Variants in ABR observed in about 807,000 individuals in gnomAD.
ABR encodes active breakpoint cluster region-related protein.
In ABR, 35 loss-of-function variants were observed where a neutral mutation model predicts 107.2. The ratio of observed to expected loss-of-function variants is 0.33; its 90% CI spans 0.25 to 0.43. ABR has a LOEUF of 0.43. Among genes scored for constraint, ABR ranks in the 20% least tolerant of loss-of-function variants. The pLI is 1.00. For missense variants in ABR, 815 were observed against 1,115.2 expected (o/e 0.73, Z 3.83); for synonymous variants, 498 against 462.0 (o/e 1.08, Z -1.00).
chr17:1,117,074 A>C, intron 2 of ABR, among the ~76,000 whole-genome samples: 1 of 152,126 alleles, frequency 6.6e-6, no homozygotes, highest in East Asian at 1.9e-4. Context: ...AAAGGGAAGA[A>C]GAGGCTGCAG....
rs1430053858 is a variant in ABR, at chr17:1,051,630, C to T, written c.1562-996G>A. On this transcript the variant is annotated intron_variant, in intron 14 of 22. Coordinates refer to ENST00000302538, the MANE Select transcript of ABR (RefSeq NM_021962.5). The surrounding 1 kb of genome is among the most constrained non-coding windows in gnomAD (Gnocchi z 4.3). ...AGATGCCGAGGTTGTTCCCAGGGTA[C>T]CAGAGGTGGTGTGGGAGGTGCCTTT... Among the ~76,000 whole-genome samples, 5 of 152,186 alleles carry T rather than the reference C, an allele frequency of 3.3e-5. No individual in the cohort carries two copies. Among genetic ancestry groups the T allele is most frequent in the Non-Finnish European group, 7.4e-5 (5 of 68,022 alleles).
chr17:1,122,063 C>G (rs1293019605), intron 2 of ABR, among the ~76,000 whole-genome samples: 1 of 152,136 alleles, frequency 6.6e-6, no homozygotes, highest in Non-Finnish European at 1.5e-5. Flanking sequence ...CCACCACGCC[C>G]GGCTAATTTT....
At chr17:1,034,952 A>G (rs952369300) in intron 16 of ABR, among the ~76,000 whole-genome samples, 3 of 152,174 alleles carry the variant, frequency 2.0e-5, no homozygotes, top group Non-Finnish European at 2.9e-5. Context: ...TTGTCTAGGT[A>G]AAGCAAGCTC....
intron 1 of ABR, among the ~76,000 whole-genome samples, chr17:1,166,180 A>G (rs1469549492): frequency 6.6e-6 from 1 of 152,068 alleles, no homozygotes. Flanking sequence ...GGTGGTAGGA[A>G]CACCACACGT....
chr17:1,184,499 C>T (rs141387402), upstream of ABR, among the ~76,000 whole-genome samples: 16 of 152,212 alleles, frequency 1.1e-4, no homozygotes, highest in African/African-American at 3.9e-4. Context: ...CCTCACTGGG[C>T]AGACCCAGTG....
At chr17:1,136,633 T>C (rs1318048872) in intron 1 of ABR, among the ~76,000 whole-genome samples, 5 of 152,172 alleles carry the variant, frequency 3.3e-5, no homozygotes, top group Non-Finnish European at 7.3e-5. Context: ...TCACTTTGCC[T>C]TTTTCTGTTA....
rs1261766218 is a variant in ABR at position 1,071,266 on chromosome 17, C to T, written c.895-1176G>A. ...GACGGGATCCCCAGACGCTGCACAT[C>T]AGCACCAGGAGCCGCACGGAATCGG... On this transcript the variant is annotated intron_variant, in intron 8 of 22. Coordinates refer to ENST00000302538, the MANE Select transcript of ABR (RefSeq NM_021962.5). This position sits in a 1 kb window ranked among gnomAD's most constrained non-coding sequence, Gnocchi z 5.1. Among the ~76,000 whole-genome samples, 1 of 152,202 alleles carries T rather than the reference C, an allele frequency of 6.6e-6. No individual in the cohort carries two copies. Among genetic ancestry groups the T allele is most frequent in the Admixed American group, 6.5e-5 (1 of 15,290 alleles).
At chr17:1,059,556 C>T (rs144838993) in intron 10 of ABR, among the ~76,000 whole-genome samples, 464 of 152,324 alleles carry the variant, frequency 3.0e-3, no homozygotes, top group Middle Eastern at 0.014. Flanking sequence ...GGCACCAAGG[C>T]CCCCATGGCA....
chr17:1,186,529 G>A (rs1015082781), intron 1 of ABR, among the ~76,000 whole-genome samples: 1 of 152,240 alleles, frequency 6.6e-6, no homozygotes, highest in South Asian at 2.1e-4. Flanking sequence ...CTCCCCACAC[G>A]CCCCCACACA....
At chr17:1,024,132 C>T (rs1200888933) in intron 16 of ABR, among the ~76,000 whole-genome samples, 6 of 151,788 alleles carry the variant, frequency 4.0e-5, no homozygotes, top group South Asian at 2.1e-4. Flanking sequence ...AGCTTGCTGC[C>T]GGGGACGTGA....
chr17:1,195,304 C>CAAAAGAAAAA (rs2042535638), intron 1 of ABR, among the ~76,000 whole-genome samples: 1 of 87,638 alleles, frequency 1.1e-5, no homozygotes, highest in Non-Finnish European at 2.4e-5. Context: ...GAGACTGTCT[C>CAAAAGAAAAA]AAAAAAAAAA....
intron 10 of ABR, among the ~76,000 whole-genome samples, chr17:1,065,405 C>A (rs28545411): frequency 4.4e-4 from 28 of 63,048 alleles, no homozygotes; most frequent in Non-Finnish European, 7.1e-4. Flanking sequence ...GCTGCTGTTA[C>A]GTGAACTGAG....
intron 2 of ABR, among the ~76,000 whole-genome samples, chr17:1,110,256 C>G (rs1372935685): frequency 6.6e-6 from 1 of 152,022 alleles, no homozygotes; most frequent in Non-Finnish European, 1.5e-5. Flanking sequence ...GCACATACAC[C>G]TCCTTCCATG....
At chr17:1,195,207 T>C (rs1274638674) in intron 1 of ABR, among the ~76,000 whole-genome samples, 4 of 143,424 alleles carry the variant, frequency 2.8e-5, no homozygotes, top group Admixed American at 7.6e-5. Context: ...CTCGGGAGGC[T>C]GAGGCAGGAG....
intron 3 of ABR, among the ~76,000 whole-genome samples, chr17:1,096,428 C>G (rs1189652379): frequency 3.3e-5 from 5 of 152,194 alleles, no homozygotes; most frequent in Admixed American, 3.3e-4. Flanking sequence ...CCCCGAAGAG[C>G]AGAAGGTTTA....
intron 1 of ABR, among the ~76,000 whole-genome samples, chr17:1,134,615 C>T (rs2039979286): frequency 6.6e-6 from 1 of 152,084 alleles, no homozygotes; most frequent in Non-Finnish European, 1.5e-5. Flanking sequence ...AGAGAGGAAG[C>T]GAGTCCAATC....
chr17:1,079,263 C>T lies in ABR; in HGVS notation c.700+67G>A, dbSNP rs1194537292. On this transcript the variant is annotated intron_variant, in intron 6 of 22. Transcript: ENST00000302538. ...CACAAGGGGAAGGGCGCCGCGTTCA[C>T]GCAGCCTGTTGCCTGCACAGCCAGA... The T allele has an allele frequency of 5.7e-5, 89 of 1,571,778 alleles. No homozygotes were observed. The Admixed American group carries it at 1.4e-3, about 25-fold the overall frequency.
chr17:1,136,387 C>G (rs1043774182), intron 1 of ABR, among the ~76,000 whole-genome samples: 1 of 86,600 alleles, frequency 1.2e-5, no homozygotes, highest in East Asian at 4.4e-4. Context: ...CACCACCAGG[C>G]CTGGCTGATT....
chr17:1,216,790 AC>A (rs2043018208), intron 1 of ABR, among the ~76,000 whole-genome samples: 1 of 152,192 alleles, frequency 6.6e-6, no homozygotes, highest in Non-Finnish European at 1.5e-5. Context: ...ACCTCAGTGA[AC>A]AACAGCTCCT....
Sources: allele counts gnomAD v4.1 joint callset (sites outside exome capture counted in the v4.1 genomes callset), GRCh38; gene constraint gnomAD v4.1.1; non-coding constraint Gnocchi (gnomAD v3.1); transcripts MANE v1.5; gene names NCBI Gene and HGNC (gene_info 2026-07-23, HGNC 2026-07-21).